Variants in LRMDA observed in about 807,000 individuals in gnomAD.
LRMDA encodes leucine-rich melanocyte differentiation-associated protein.
LRMDA carries 18 observed loss-of-function variants against 29.8 expected under a neutral mutation model. That is an observed-to-expected ratio of 0.60 (90% CI 0.42 to 0.90). LRMDA has a LOEUF of 0.90. LRMDA is among the 40% of genes least tolerant of loss of function. The pLI, the probability that LRMDA is intolerant of heterozygous loss-of-function variation, is 0.00. For missense variants in LRMDA, 273 were observed against 273.9 expected (o/e 1.00, Z 0.02); for synonymous variants, 125 against 109.4 (o/e 1.14, Z -0.89).
At chr10:76,260,252 T>C (rs1490711563) in intron 5 of LRMDA, among the ~76,000 whole-genome samples, 1 of 152,216 alleles carries the variant, frequency 6.6e-6, no homozygotes, top group Non-Finnish European at 1.5e-5. Context: ...TTCTTTTCTC[T>C]TTCTTCCTTG....
chr10:75,574,314 G>T (rs11001427), intron 2 of LRMDA, among the ~76,000 whole-genome samples: 2,027 of 152,214 alleles, frequency 0.013, 38 homozygotes, highest in African/African-American at 0.041. Flanking sequence ...AAGATTTTAG[G>T]GGAGAGTTAT....
At chr10:76,503,188 G>A (rs1252987352) in intron 6 of LRMDA, among the ~76,000 whole-genome samples, 2 of 151,846 alleles carry the variant, frequency 1.3e-5, no homozygotes, top group Non-Finnish European at 2.9e-5. Context: ...TTTATGTGAT[G>A]GATCACATTT....
At chr10:75,939,130 G>A (rs996401893) in intron 2 of LRMDA, among the ~76,000 whole-genome samples, 2 of 152,130 alleles carry the variant, frequency 1.3e-5, no homozygotes, top group African/African-American at 2.4e-5. Context: ...TATCCTTGTG[G>A]TCCTAAAAAC....
At chr10:75,923,306 A>G (rs1221740492) in intron 2 of LRMDA, among the ~76,000 whole-genome samples, 1 of 152,224 alleles carries the variant, frequency 6.6e-6, no homozygotes, top group Non-Finnish European at 1.5e-5. Context: ...ACAAAAATTC[A>G]ACTTGTTATA....
At chr10:75,703,606 T>G (rs1423984692) in intron 2 of LRMDA, among the ~76,000 whole-genome samples, 1 of 152,352 alleles carries the variant, frequency 6.6e-6, no homozygotes, top group South Asian at 2.1e-4. Context: ...CAGTGATTAA[T>G]GTATATACAG....
intron 6 of LRMDA, among the ~76,000 whole-genome samples, chr10:76,421,872 T>C (rs1215532031): frequency 6.6e-6 from 1 of 152,178 alleles, no homozygotes; most frequent in Non-Finnish European, 1.5e-5. Flanking sequence ...TGACACTGAG[T>C]ACAAAAATTA....
chr10:76,067,568 G>T (rs573383869), intron 5 of LRMDA, among the ~76,000 whole-genome samples: 2 of 152,294 alleles, frequency 1.3e-5, no homozygotes, highest in South Asian at 4.1e-4. Flanking sequence ...CCGGGGTTCT[G>T]TGCAGAGCTA....
At chr10:76,073,794 A>G (rs927501762) in intron 5 of LRMDA, among the ~76,000 whole-genome samples, 1 of 152,214 alleles carries the variant, frequency 6.6e-6, no homozygotes, top group African/African-American at 2.4e-5. Flanking sequence ...CTTCTTTGGA[A>G]ATGAGTTTCC....
chr10:76,147,789 G>T (rs1263307779), intron 5 of LRMDA, among the ~76,000 whole-genome samples: 1 of 152,142 alleles, frequency 6.6e-6, no homozygotes, highest in Admixed American at 6.5e-5. Flanking sequence ...AGTTTTTCTG[G>T]TCTGTTTTTT....
intron 2 of LRMDA, among the ~76,000 whole-genome samples, chr10:76,011,136 G>C (rs1847771044): frequency 6.6e-6 from 1 of 152,108 alleles, no homozygotes; most frequent in Non-Finnish European, 1.5e-5. Context: ...TAGGAGGATG[G>C]GGTAGAGAGT....
intron 5 of LRMDA, among the ~76,000 whole-genome samples, chr10:76,151,815 A>G (rs1469674413): frequency 6.6e-6 from 1 of 152,188 alleles, no homozygotes; most frequent in African/African-American, 2.4e-5. Context: ...AGACAGTCAT[A>G]TTATCTACAA....
intron 2 of LRMDA, among the ~76,000 whole-genome samples, chr10:75,473,439 C>T (rs760969366): frequency 6.6e-5 from 10 of 152,146 alleles, no homozygotes; most frequent in South Asian, 2.1e-4. Flanking sequence ...GATGCGTTTC[C>T]GAAGTTCAGT....
chr10:75,671,250 C>G (rs1841887509), intron 2 of LRMDA, among the ~76,000 whole-genome samples: 1 of 152,178 alleles, frequency 6.6e-6, no homozygotes, highest in Non-Finnish European at 1.5e-5. Context: ...GTGCCCATCA[C>G]CTAGCTTCAC....
At chr10:75,952,112 T>TG (rs1846585771) in intron 2 of LRMDA, among the ~76,000 whole-genome samples, 1 of 152,198 alleles carries the variant, frequency 6.6e-6, no homozygotes, top group Non-Finnish European at 1.5e-5. Flanking sequence ...TCAGAAACCC[T>TG]GGGGTCCCCT....
intron 2 of LRMDA, among the ~76,000 whole-genome samples, chr10:75,698,508 C>T (rs934951527): frequency 6.6e-6 from 1 of 152,116 alleles, no homozygotes; most frequent in Non-Finnish European, 1.5e-5. Flanking sequence ...TGAACTGGTG[C>T]CCTCACTTGG....
At chr10:76,136,622 A>AGC (rs1554850163) in intron 5 of LRMDA, among the ~76,000 whole-genome samples, 254 of 151,798 alleles carry the variant, frequency 1.7e-3, no homozygotes, top group East Asian at 0.015. Context: ...ATTAAAAAAA[A>AGC]AGCAAAAATG....
intron 2 of LRMDA, among the ~76,000 whole-genome samples, chr10:75,646,773 G>A (rs1055610825): frequency 2.0e-5 from 3 of 152,162 alleles, no homozygotes; most frequent in Non-Finnish European, 2.9e-5. Context: ...AGACGAGTGC[G>A]AATTGGGATG....
At chr10:76,227,841 T>A (rs1453332434) in intron 5 of LRMDA, among the ~76,000 whole-genome samples, 1 of 152,036 alleles carries the variant, frequency 6.6e-6, no homozygotes, top group Non-Finnish European at 1.5e-5. Context: ...AAGAGGGATA[T>A]AGAGGTATAA....
At chr10:76,525,303 A>G (rs1019453856) in intron 6 of LRMDA, among the ~76,000 whole-genome samples, 1 of 152,206 alleles carries the variant, frequency 6.6e-6, no homozygotes, top group African/African-American at 2.4e-5. Context: ...TTGGTCCTTC[A>G]TCATCCCTTA....
Sources: allele counts gnomAD v4.1 joint callset (sites outside exome capture counted in the v4.1 genomes callset), GRCh38; gene constraint gnomAD v4.1.1; transcripts MANE v1.5; gene names NCBI Gene and HGNC (gene_info 2026-07-23, HGNC 2026-07-21).